The following UHMK1 variants were observed in gnomAD, a reference collection of about 807,000 sequenced individuals.
UHMK1 encodes U2AF homology motif kinase 1.
UHMK1 carries 18 observed loss-of-function variants against 44.0 expected under a neutral mutation model. The observed-to-expected ratio is 0.41, with a 90% CI of 0.28 to 0.61. The LOEUF (loss-of-function observed/expected upper bound fraction) is 0.61. UHMK1 is among the 20% of genes least tolerant of loss of function. The probability of loss-of-function intolerance (pLI) is 0.31; values close to 1 mark genes in which losing one functional copy is unlikely to be tolerated. For synonymous variants in UHMK1, 231 were observed against 198.5 expected (o/e 1.16, Z -1.38); for missense variants, 463 against 522.5 (o/e 0.89, Z 1.11).
chr1:162,510,228 A>G (rs184826002), intron 4 of UHMK1, among the ~76,000 whole-genome samples: 2 of 152,272 alleles, frequency 1.3e-5, no homozygotes, highest in East Asian at 3.9e-4. Context: ...AGTGCTTAAC[A>G]TTCACTCCCT....
intron 4 of UHMK1, among the ~76,000 whole-genome samples, chr1:162,507,883 G>A (rs1351934625): frequency 2.0e-5 from 3 of 148,530 alleles, no homozygotes; most frequent in African/African-American, 2.4e-5. Context: ...ACCGTGCCCC[G>A]CCTCTTTTTT....
chr1:162,517,476 TG>T (rs1651872573), intron 6 of UHMK1, among the ~76,000 whole-genome samples: 2 of 152,052 alleles, frequency 1.3e-5, no homozygotes, highest in Admixed American at 1.3e-4. Flanking sequence ...TTAAAACAAA[TG>T]AGAAAATTTT....
intron 2 of UHMK1, 23 bp from the exon 3 acceptor site, chr1:162,500,890 T>C (rs1157464011): frequency 1.9e-6 from 3 of 1,601,946 alleles, no homozygotes; most frequent in Non-Finnish European, 2.6e-6. Context: ...TTATTGGTTG[T>C]AATATTTACT....
intron 4 of UHMK1, among the ~76,000 whole-genome samples, chr1:162,508,099 G>A (rs543394116): frequency 6.6e-6 from 1 of 151,404 alleles, no homozygotes; most frequent in East Asian, 2.0e-4. Flanking sequence ...TTTTAAAAAT[G>A]TCTAGCTCAT....
At chr1:162,521,605 G>A (rs1652061653) in intron 7 of UHMK1, among the ~76,000 whole-genome samples, 1 of 152,128 alleles carries the variant, frequency 6.6e-6, no homozygotes, top group African/African-American at 2.4e-5. Flanking sequence ...TTACAGGCAT[G>A]TGCTATCACG....
At chr1:162,500,508 T>C (rs1456304322) in intron 2 of UHMK1, 1 of 443,122 alleles carries the variant, frequency 2.3e-6, no homozygotes, top group Non-Finnish European at 4.0e-6. Context: ...CATAGAATGG[T>C]TTTTTAAATT....
At chr1:162,500,617 C>T in intron 2 of UHMK1, 1 of 412,234 alleles carries the variant, frequency 2.4e-6, no homozygotes. Context: ...CTGCCAAATC[C>T]TCTTTTCTCC....
rs748678565 is a variant in UHMK1 at position 162,522,490 on chromosome 1, G to T, written c.1200G>T (p.Val400=). 1.2e-6 allele frequency: 2 copies of T among 1,614,114 alleles called. No homozygotes were observed. Residue 400 remains valine, a synonymous_variant, in exon 8 of 8, where the codon GTG becomes GTT. Transcript: ENST00000489294. ...TGRMFDGKFV[V]ATFYPLSAYK... ...GGATGTTTGATGGGAAGTTTGTTGT[G>T]GCTACATTCTACCCGCTGAGTGCCT...
chr1:162,520,227 A>G (rs751611798), intron 7 of UHMK1, among the ~76,000 whole-genome samples: 7 of 152,224 alleles, frequency 4.6e-5, no homozygotes, highest in Non-Finnish European at 1.0e-4. Flanking sequence ...TATTATGAAC[A>G]TTCCTGACAA....
chr1:162,504,519 T>C (rs1651399887), intron 4 of UHMK1, among the ~76,000 whole-genome samples: 1 of 152,212 alleles, frequency 6.6e-6, no homozygotes, highest in South Asian at 2.1e-4. Flanking sequence ...CTGTACCAAA[T>C]ACTATAGACA....
Position 162,500,939 on chromosome 1 carries a change from G to T in UHMK1, c.588G>T (p.Gly196=), listed in dbSNP as rs372024973. 6.8e-6 allele frequency: 11 copies of T among 1,613,884 alleles called. No homozygotes were observed. In the African/African-American group the frequency reaches 1.3e-4, roughly 20 times the overall value. ...NQDVKYIQTD[G]YRAPEAELQN... ...ATGTAAAGTATATTCAGACAGACGG[G>T]TATCGGGCTCCAGAAGCAGAATTGC... The change falls in exon 3 of 8, where the codon GGG becomes GGT. Residue 196 remains glycine (G), a synonymous_variant. Transcript: ENST00000489294.
At position 162,525,675 on chromosome 1, in the gene UHMK1, T is replaced by G. The variant is rs756822143; in HGVS notation, c.*3125T>G. ...AATTTTTAAAACTATTCTCTTGCAA[T>G]AAGAGATCCGCATTTATTACCACTG... On this transcript the variant is annotated 3_prime_UTR_variant, in exon 8 of 8. Transcript: ENST00000489294. 6.6e-6 allele frequency: 1 copy of G among 152,206 alleles called. No homozygotes were observed. The highest frequency in any genetic ancestry group is 1.9e-4 in the East Asian group (1 of 5,190). The allele number at this position is 152,206 out of a possible 1,614,324, so 9.4% of individuals were successfully genotyped here. A position where few individuals can be genotyped will look rare whatever the true frequency, so the allele number is the denominator to read the frequency against.
intron 3 of UHMK1, among the ~76,000 whole-genome samples, chr1:162,503,148 A>G (rs181505862): frequency 2.0e-5 from 3 of 152,260 alleles, no homozygotes; most frequent in Admixed American, 6.5e-5. Context: ...TGAGTCACCT[A>G]TTATACATTC....
At chr1:162,502,432 A>C (rs1008097521) in intron 3 of UHMK1, among the ~76,000 whole-genome samples, 17 of 152,178 alleles carry the variant, frequency 1.1e-4, no homozygotes, top group African/African-American at 4.1e-4. Flanking sequence ...CTTTCTTGGG[A>C]GTAAAATCAG....
At chr1:162,510,723 C>T (rs1181623530) in intron 4 of UHMK1, among the ~76,000 whole-genome samples, 3 of 150,400 alleles carry the variant, frequency 2.0e-5, no homozygotes, top group Non-Finnish European at 4.4e-5. Context: ...TTAATAGATA[C>T]TTAGGTTGAT....
In UHMK1 at chr1:162,498,026, G is replaced by A. The variant is rs1651117208; in HGVS notation, c.26G>A (p.Gly9Asp). Reference protein sequence around the residue: MAGSGCAWGAEPPRFLEAF... With the variant: MAGSGCAWDAEPPRFLEAF... ...ATGGCGGGATCCGGCTGCGCCTGGG[G>A]CGCGGAGCCGCCGCGTTTTCTGGAG... Residue 9 changes from glycine (G) to aspartate (D), a missense_variant, in exon 1 of 8, where the codon GGC (glycine) becomes GAC (aspartate). Gly to Asp is a moderately conservative substitution (Grantham distance 94). This residue lies in a region of UHMK1 where 191 missense variants were observed against 176.0 expected (regional missense o/e 1.09). Coordinates refer to ENST00000489294, the MANE Select transcript of UHMK1 (RefSeq NM_175866.5). The A allele has an allele frequency of 2.5e-6, 4 of 1,596,410 alleles. No individual in the cohort carries two copies. Among genetic ancestry groups the A allele is most frequent in the Non-Finnish European group, 8.5e-7 (1 of 1,170,062 alleles).
intron 4 of UHMK1, among the ~76,000 whole-genome samples, chr1:162,507,247 G>C (rs1394348963): frequency 6.6e-6 from 1 of 151,700 alleles, no homozygotes; most frequent in East Asian, 1.9e-4. Context: ...AGCCTCCCAA[G>C]TAGCTAGGAT....
intron 4 of UHMK1, among the ~76,000 whole-genome samples, chr1:162,504,655 G>A (rs1227667629): frequency 6.6e-6 from 1 of 152,226 alleles, no homozygotes; most frequent in Non-Finnish European, 1.5e-5. Flanking sequence ...CAGGACTGGA[G>A]TTGCTCTGGG....
chr1:162,527,632 T>C lies in UHMK1; in HGVS notation c.*5082T>C, dbSNP rs1469124498. 1 of 152,132 alleles carries C rather than the reference T, an allele frequency of 6.6e-6. No individual in the cohort carries two copies. The highest frequency in any genetic ancestry group is 1.9e-4 in the East Asian group (1 of 5,196). The allele number at this position is 152,132 out of a possible 1,614,324, so 9.4% of individuals were successfully genotyped here. A position where few individuals can be genotyped will look rare whatever the true frequency, so the allele number is the denominator to read the frequency against. On this transcript the variant is annotated 3_prime_UTR_variant, in exon 8 of 8. Coordinates refer to ENST00000489294, the MANE Select transcript of UHMK1 (RefSeq NM_175866.5). ...ATTGTGGCAGTTGTGTTTGTGGCAC[T>C]GTAAATGCTGAAATTCATGGGAAAC...
Sources: gnomAD v4.1 joint callset for allele counts (sites outside exome capture counted in the v4.1 genomes callset) on GRCh38, gnomAD v4.1.1 for gene constraint, gnomAD v4.1.1 regional missense constraint, MANE v1.5 for transcripts, NCBI Gene and HGNC (gene_info 2026-07-23, HGNC 2026-07-21) for gene names.